Variants in MMD observed in about 807,000 individuals in gnomAD.
MMD encodes monocyte to macrophage differentiation associated, also known as monocyte to macrophage differentiation factor.
In MMD, 22 loss-of-function variants were observed where a neutral mutation model predicts 33.6. The observed-to-expected ratio is 0.66, with a 90% confidence interval of 0.47 to 0.94. MMD has a LOEUF of 0.94. MMD is among the 40% of genes least tolerant of loss of function. MMD has a pLI of 0.00. For synonymous variants in MMD, 97 were observed against 103.2 expected, an observed-to-expected ratio of 0.94 and a Z score of 0.36; for missense variants, 242 against 309.8, an observed-to-expected ratio of 0.78 and a Z score of 1.64.
intron 6 of MMD, among the ~76,000 whole-genome samples, chr17:55,395,322 A>G (rs941865590): frequency 3.3e-5 from 5 of 152,248 alleles, no homozygotes; most frequent in Non-Finnish European, 7.3e-5. Flanking sequence ...AAGCTGATGA[A>G]GAAACAAGTT....
intron 4 of MMD, among the ~76,000 whole-genome samples, chr17:55,404,200 C>T (rs1283329295): frequency 6.6e-6 from 1 of 151,910 alleles, no homozygotes; most frequent in Non-Finnish European, 1.5e-5. Flanking sequence ...ACTAAAAATA[C>T]AAAAATTAGC....
chr17:55,398,878 G>T (rs1403189213), intron 6 of MMD, among the ~76,000 whole-genome samples: 18 of 152,154 alleles, frequency 1.2e-4, no homozygotes, highest in Admixed American at 1.1e-3. Flanking sequence ...GGAACTGTCC[G>T]GAATTTCCAT....
intron 6 of MMD, among the ~76,000 whole-genome samples, chr17:55,396,832 GTC>G (rs1907119426): frequency 6.6e-6 from 1 of 151,940 alleles, no homozygotes; most frequent in Non-Finnish European, 1.5e-5. Flanking sequence ...GGTCAGGCTG[GTC>G]TCGAACTCCT....
At chr17:55,414,051 T>C (rs954881751) in intron 2 of MMD, 100 bp downstream of exon 2, 83 of 1,155,832 alleles carry the variant, frequency 7.2e-5, no homozygotes, top group Non-Finnish European at 1.0e-4. Context: ...CACAGATGGG[T>C]AAATCCAACT....
rs758455643 is a variant in MMD, at chr17:55,401,520, G to T, written c.465C>A (p.Leu155=). 1 of 1,611,872 alleles carries T rather than the reference G, an allele frequency of 6.2e-7. No individual in the cohort carries two copies. Among genetic ancestry groups the T allele is most frequent in the Non-Finnish European group, 8.5e-7 (1 of 1,179,140 alleles). The change falls in exon 6 of 7, where the codon CTC becomes CTA. Residue 155 remains leucine (L), a synonymous_variant. Coordinates refer to ENST00000262065, the MANE Select transcript of MMD (RefSeq NM_012329.3). ...AGAATCCCATTGTGAGATAGAAAAA[G>T]AGTTCAACCACCTTATATCTGCAGG... is the stretch of plus-strand genomic sequence containing the variant. ...LYHEKYKVVE[L]FFYLTMGFSP...
At position 55,393,115 on chromosome 17, in the gene MMD, T is replaced by C. The variant is rs1285749197; in HGVS notation, c.*1219A>G. On this transcript the variant is annotated 3_prime_UTR_variant, in exon 7 of 7. Coordinates refer to ENST00000262065, the MANE Select transcript of MMD (RefSeq NM_012329.3). ...CAACAAAGCAACTATTAACAACATG[T>C]TAATCTTAATATAAGACACTGAGAG... is the stretch of plus-strand genomic sequence containing the variant. The C allele has an allele frequency of 6.6e-6, 1 of 152,138 alleles. No individual in the cohort carries two copies. The highest frequency in any genetic ancestry group is 1.5e-5 in the Non-Finnish European group (1 of 68,032). 9.4% of individuals were successfully genotyped at this position (152,138 alleles called of 1,614,324 possible). A position where few individuals can be genotyped will look rare whatever the true frequency, so the allele number is the denominator to read the frequency against.
chr17:55,403,990 A>T (rs1567847668), intron 4 of MMD, 122 bp from the exon 5 acceptor site: 8 of 729,700 alleles, frequency 1.1e-5, no homozygotes, highest in Non-Finnish European at 1.8e-5. Context: ...CACTCAACAC[A>T]TCAAGCAGGC....
At chr17:55,412,380 G>T (rs1294015901) in intron 2 of MMD, among the ~76,000 whole-genome samples, 1 of 151,966 alleles carries the variant, frequency 6.6e-6, no homozygotes, top group African/African-American at 2.4e-5. Flanking sequence ...CATTTCCAAG[G>T]CCCACCTATT....
chr17:55,420,225 A>T (rs1908125771), intron 1 of MMD: 1 of 152,108 alleles, frequency 6.6e-6, no homozygotes. Context: ...GTAGAGAAGT[A>T]AAACCAAATC....
At chr17:55,410,913 T>C (rs982197490) in intron 3 of MMD, among the ~76,000 whole-genome samples, 3 of 152,192 alleles carry the variant, frequency 2.0e-5, no homozygotes, top group Admixed American at 6.5e-5. Context: ...CAGTGTGCTT[T>C]GTCACTACCC....
At chr17:55,401,986 G>A (rs1334584945) in intron 5 of MMD, among the ~76,000 whole-genome samples, 8 of 35,822 alleles carry the variant, frequency 2.2e-4, no homozygotes, top group African/African-American at 3.8e-4. Context: ...GGAGAATGGC[G>A]TGAACCCGAA....
chr17:55,394,195 C>T lies in MMD; in HGVS notation c.*139G>A, dbSNP rs1013428470. ...AAAATTCCAGAACACAGCCTTTATA[C>T]TTTCACAGTAATTATATTCAAAAGA... is the stretch of plus-strand genomic sequence containing the variant. On this transcript the variant is annotated 3_prime_UTR_variant, in exon 7 of 7. Transcript: ENST00000262065. The T allele has an allele frequency of 1.9e-5, 12 of 646,400 alleles. No homozygotes were observed. The highest frequency in any genetic ancestry group is 3.2e-5 in the Admixed American group (1 of 30,838). The allele number at this position is 646,400 out of a possible 1,614,324, so 40.0% of individuals were successfully genotyped here. A position where few individuals can be genotyped will look rare whatever the true frequency, so the allele number is the denominator to read the frequency against.
chr17:55,401,875 C>G (rs1216378826), intron 5 of MMD, among the ~76,000 whole-genome samples: 3 of 151,986 alleles, frequency 2.0e-5, no homozygotes, highest in African/African-American at 7.2e-5. Context: ...AGATCGAGAC[C>G]ATCCTGATTA....
chr17:55,404,670 G>A, intron 4 of MMD: 2 of 984,944 alleles, frequency 2.0e-6, no homozygotes, highest in South Asian at 9.4e-5. Flanking sequence ...TTCCTAACAT[G>A]TATTATGGAA....
intron 5 of MMD, 67 bp downstream of exon 5, chr17:55,403,700 A>C: frequency 9.2e-7 from 1 of 1,086,014 alleles, no homozygotes. Flanking sequence ...AGTAAATTGT[A>C]TTGCAGTGCA....
chr17:55,406,056 ATAG>A (rs1485879577), intron 4 of MMD, among the ~76,000 whole-genome samples: 2 of 152,244 alleles, frequency 1.3e-5, no homozygotes, highest in South Asian at 4.1e-4. Context: ...CACTTGCTAT[ATAG>A]TAGCTACTGC....
intron 1 of MMD, among the ~76,000 whole-genome samples, chr17:55,416,506 A>G (rs1907973101): frequency 6.6e-6 from 1 of 152,200 alleles, no homozygotes; most frequent in Non-Finnish European, 1.5e-5. Flanking sequence ...CTATCCTGGA[A>G]GCAATTCTCT....
chr17:55,417,092 C>A (rs117508842), intron 1 of MMD, among the ~76,000 whole-genome samples: 4 of 152,262 alleles, frequency 2.6e-5, no homozygotes, highest in South Asian at 4.1e-4. Context: ...CACTAACACA[C>A]TTTAAATTCA....
At chr17:55,406,128 C>T (rs933537995) in intron 4 of MMD, among the ~76,000 whole-genome samples, 2 of 139,000 alleles carry the variant, frequency 1.4e-5, no homozygotes, top group Admixed American at 6.8e-5. Context: ...GGTGCGGTGG[C>T]TCACGCCTGT....
Sources: gnomAD v4.1 joint callset for allele counts (sites outside exome capture counted in the v4.1 genomes callset) on GRCh38, gnomAD v4.1.1 for gene constraint, MANE v1.5 for transcripts, NCBI Gene and HGNC (gene_info 2026-07-23, HGNC 2026-07-21) for gene names.